Variants in C8orf34 observed in about 807,000 individuals in gnomAD.
C8orf34 encodes chromosome 8 open reading frame 34, also known as uncharacterized protein C8orf34.
C8orf34 carries 65 observed loss-of-function variants against 68.3 expected under a neutral mutation model. The ratio of observed to expected loss-of-function variants is 0.95; its 90% CI spans 0.78 to 1.17. C8orf34 has a LOEUF of 1.17. C8orf34 is among the 50% of genes most tolerant of loss of function. The pLI is 0.00. For missense variants in C8orf34, 664 were observed against 655.4 expected (o/e 1.01, Z -0.14); for synonymous variants, 244 against 241.2 (o/e 1.01, Z -0.11).
intron 1 of C8orf34, among the ~76,000 whole-genome samples, chr8:68,371,310 C>G (rs1807550076): frequency 6.6e-6 from 1 of 152,154 alleles, no homozygotes. Context: ...AATTATGTTA[C>G]AATTCTATAA....
At position 68,412,949 on chromosome 8, in the gene C8orf34, CATT is replaced by C. The variant is rs558317169; in HGVS notation, c.328-26547_328-26545del. Among the ~76,000 whole-genome samples, 68 of 152,298 alleles carry C rather than the reference CATT, an allele frequency of 4.5e-4. 1 individual carries two copies. The highest frequency in any genetic ancestry group is 1.5e-3 in the African/African-American group (62 of 41,572). ...TTAAACTCTGTGGTCAGTGACCAGTCATTATAATAGCTTCCTTGCCCCTCTCTC... is the reference window on the plus strand; with the variant it reads ...TTAAACTCTGTGGTCAGTGACCAGTCATAATAGCTTCCTTGCCCCTCTCTC... On this transcript the variant is annotated intron_variant, in intron 1 of 13. Coordinates refer to ENST00000518698, the MANE Select transcript of C8orf34 (RefSeq NM_052958.4).
chr8:68,452,471 T>A lies in C8orf34; in HGVS notation c.607+6011T>A, dbSNP rs138036779. 2.2e-3 allele frequency among the ~76,000 whole-genome samples: 327 copies of A among 151,736 alleles called. 1 individual carries two copies. Among genetic ancestry groups the A allele is most frequent in the African/African-American group, 7.1e-3 (294 of 41,448 alleles). ...AATTTACAGCCATCCAGTTGGATGT[T>A]AAGTGGTATCTCATTGTTGTCTTGA... On this transcript the variant is annotated intron_variant, in intron 3 of 13. Transcript: ENST00000518698.
intron 8 of C8orf34, among the ~76,000 whole-genome samples, chr8:68,686,065 A>G (rs1227063962): frequency 1.3e-5 from 2 of 151,868 alleles, no homozygotes; most frequent in Non-Finnish European, 2.9e-5. Flanking sequence ...GAAACATACA[A>G]CCCTCCTAGA....
intron 1 of C8orf34, among the ~76,000 whole-genome samples, chr8:68,422,362 C>CA (rs1297636479): frequency 6.6e-6 from 1 of 152,060 alleles, no homozygotes; most frequent in African/African-American, 2.4e-5. Context: ...AGAAATTGGC[C>CA]AAAACAGAGG....
chr8:68,408,842 G>A (rs1452745688), intron 1 of C8orf34, among the ~76,000 whole-genome samples: 2 of 152,170 alleles, frequency 1.3e-5, no homozygotes, highest in Non-Finnish European at 2.9e-5. Flanking sequence ...AGGCTAGAGT[G>A]CAGTGGTGCA....
chr8:68,719,917 C>CA (rs1821621604), intron 9 of C8orf34, among the ~76,000 whole-genome samples: 1 of 152,026 alleles, frequency 6.6e-6, no homozygotes, highest in Admixed American at 6.5e-5. Context: ...CATTTGCTCA[C>CA]AGTTCTGCAG....
intron 3 of C8orf34, among the ~76,000 whole-genome samples, chr8:68,465,307 G>A (rs1160084256): frequency 4.7e-5 from 7 of 150,262 alleles, no homozygotes; most frequent in Non-Finnish European, 8.9e-5. Flanking sequence ...AACAACAGGT[G>A]CTGGAGAGGA....
intron 3 of C8orf34, among the ~76,000 whole-genome samples, chr8:68,459,487 T>A (rs545058903): frequency 1.7e-4 from 26 of 152,264 alleles, no homozygotes; most frequent in African/African-American, 6.0e-4. Context: ...CTCCTTGGCC[T>A]CCCAAAGTGT....
chr8:68,765,787 G>T (rs1195629683), intron 10 of C8orf34, among the ~76,000 whole-genome samples: 2 of 152,086 alleles, frequency 1.3e-5, no homozygotes, highest in Non-Finnish European at 2.9e-5. Flanking sequence ...TAAATCACTT[G>T]TGTAATTAAT....
intron 5 of C8orf34, among the ~76,000 whole-genome samples, chr8:68,490,583 C>T (rs1200619678): frequency 1.3e-5 from 2 of 152,058 alleles, no homozygotes; most frequent in Non-Finnish European, 1.5e-5. Flanking sequence ...ACCTAATATT[C>T]CTGTTTTTTG....
intron 7 of C8orf34, among the ~76,000 whole-genome samples, chr8:68,616,991 A>G (rs1316273249): frequency 3.3e-5 from 5 of 152,140 alleles, no homozygotes; most frequent in Non-Finnish European, 7.3e-5. Flanking sequence ...GTGCATATAT[A>G]TTTAGGATAG....
rs543432453 is a variant in C8orf34 at position 68,607,102 on chromosome 8, G to A, written c.1106-33274G>A. The stretch of plus-strand genomic sequence containing the variant: ...CGTCAATCAGAGTCTATCGCCAACA[G>A]CTGAAGGTATCCCGAGGCTAGTCTC... On this transcript the variant is annotated intron_variant, in intron 7 of 13. Transcript: ENST00000518698. 3.9e-5 allele frequency among the ~76,000 whole-genome samples: 6 copies of A among 151,922 alleles called. No individual in the cohort carries two copies. The East Asian group carries it at 1.2e-3, about 29-fold the overall frequency.
intron 10 of C8orf34, among the ~76,000 whole-genome samples, chr8:68,725,897 TA>T (rs1456688963): frequency 1.3e-5 from 2 of 152,120 alleles, no homozygotes; most frequent in Non-Finnish European, 2.9e-5. Context: ...TATCTTTTTT[TA>T]TTTTTTTATT....
intron 1 of C8orf34, among the ~76,000 whole-genome samples, chr8:68,357,509 A>G (rs186707319): frequency 5.3e-5 from 8 of 152,322 alleles, no homozygotes; most frequent in Admixed American, 5.2e-4. Flanking sequence ...TAGGTTCATC[A>G]GTGGTTCAGT....
chr8:68,774,124 T>A (rs113412234), intron 10 of C8orf34, among the ~76,000 whole-genome samples: 159 of 152,048 alleles, frequency 1.0e-3, no homozygotes, highest in African/African-American at 3.6e-3. Context: ...CTCTGAGCAA[T>A]TTGCCACATT....
chr8:68,501,790 A>C (rs1387318890), intron 5 of C8orf34, among the ~76,000 whole-genome samples: 1 of 152,114 alleles, frequency 6.6e-6, no homozygotes, highest in Non-Finnish European at 1.5e-5. Flanking sequence ...TATTCTGGGG[A>C]AAGTAAATAA....
chr8:68,528,238 T>A (rs1399636717), intron 6 of C8orf34, among the ~76,000 whole-genome samples: 1 of 151,970 alleles, frequency 6.6e-6, no homozygotes, highest in Non-Finnish European at 1.5e-5. Context: ...CCACCCTACC[T>A]CCCCATCACT....
At chr8:68,436,217 AAAAAG>A (rs1449599503) in intron 1 of C8orf34, among the ~76,000 whole-genome samples, 5 of 152,164 alleles carry the variant, frequency 3.3e-5, no homozygotes, top group African/African-American at 2.4e-5. Context: ...CCCTATCAAA[AAAAAG>A]AAAAGAAAAG....
intron 8 of C8orf34, among the ~76,000 whole-genome samples, chr8:68,642,006 T>A (rs1206409794): frequency 6.6e-6 from 1 of 152,228 alleles, no homozygotes; most frequent in Non-Finnish European, 1.5e-5. Context: ...TCGGAGTTAA[T>A]TACTATTACT....
Sources: allele counts gnomAD v4.1 joint callset (sites outside exome capture counted in the v4.1 genomes callset), GRCh38; gene constraint gnomAD v4.1.1; transcripts MANE v1.5; gene names NCBI Gene and HGNC (gene_info 2026-07-23, HGNC 2026-07-21).